The following RSPH14 variants were observed in gnomAD, a reference collection of about 807,000 sequenced individuals.
RSPH14 encodes radial spoke head 14 homolog, also known as rhabdoid tumor deletion region gene 1.
A neutral mutation model predicts 26.7 loss-of-function variants in RSPH14; 20 were observed. The observed-to-expected ratio is 0.75, with a 90% CI of 0.53 to 1.09. The LOEUF is 1.09. Ranked by LOEUF, RSPH14 falls within the 50% of genes least tolerant of loss-of-function variation. RSPH14 has a pLI of 0.00. For missense variants in RSPH14, 449 were observed against 457.2 expected (o/e 0.98, Z 0.16); for synonymous variants, 177 against 189.3 (o/e 0.93, Z 0.53).
intron 4 of RSPH14, among the ~76,000 whole-genome samples, chr22:23,109,721 G>A (rs1276247739): frequency 6.6e-6 from 1 of 152,222 alleles, no homozygotes; most frequent in African/African-American, 2.4e-5. Context: ...GGGGCAGCAG[G>A]GTTCAGTGTT....
At chr22:23,102,046 GGGCCACCCGT>G (rs1300779033) in intron 4 of RSPH14, among the ~76,000 whole-genome samples, 1 of 152,228 alleles carries the variant, frequency 6.6e-6, no homozygotes, top group African/African-American at 2.4e-5. Context: ...ACCTATAGCT[GGGCCACCCGT>G]GGCCTAGAGG....
At chr22:23,080,433 G>C (rs1040232702) in intron 4 of RSPH14, among the ~76,000 whole-genome samples, 2 of 152,224 alleles carry the variant, frequency 1.3e-5, no homozygotes, top group East Asian at 3.9e-4. Flanking sequence ...CCGGGGCATA[G>C]CCTGGGGTTG....
chr22:23,074,747 G>A (rs2068468197), intron 4 of RSPH14, among the ~76,000 whole-genome samples: 1 of 152,202 alleles, frequency 6.6e-6, no homozygotes, highest in African/African-American at 2.4e-5. Flanking sequence ...CAGTCACAGT[G>A]GCGCCTCGGG....
intron 4 of RSPH14, among the ~76,000 whole-genome samples, chr22:23,105,709 A>G (rs1333841773): frequency 6.6e-6 from 1 of 152,226 alleles, no homozygotes; most frequent in Non-Finnish European, 1.5e-5. Flanking sequence ...ACAGCTTCCA[A>G]TCTACAACAC....
intron 4 of RSPH14, chr22:23,131,130 G>T (rs566153469): frequency 6.3e-6 from 1 of 158,410 alleles, no homozygotes; most frequent in East Asian, 1.8e-4. Context: ...CCGGAACAGT[G>T]TGCAGTGATG....
chr22:23,079,308 G>A (rs747459326), intron 4 of RSPH14, among the ~76,000 whole-genome samples: 9 of 152,348 alleles, frequency 5.9e-5, no homozygotes, highest in East Asian at 3.9e-4. Context: ...GGACATCTGA[G>A]CCATTGGATG....
the RSPH14 span, chr22:23,162,630 C>T: frequency 2.2e-6 from 1 of 456,214 alleles, no homozygotes; most frequent in Non-Finnish European, 4.4e-6. Flanking sequence ...TATGCTCATC[C>T]ACAGGGTTTT....
chr22:23,076,325 C>T (rs925317067), intron 4 of RSPH14, among the ~76,000 whole-genome samples: 1 of 152,192 alleles, frequency 6.6e-6, no homozygotes, highest in Admixed American at 6.5e-5. Context: ...CATTGAGAAT[C>T]GCCACCCAGG....
At chr22:23,171,218 G>A in the RSPH14 span, among the ~76,000 whole-genome samples, 2 of 152,074 alleles carry the variant, frequency 1.3e-5, no homozygotes, top group East Asian at 3.9e-4. Flanking sequence ...CACCCACTGT[G>A]GCCTCCCAAA....
At chr22:23,154,137 CTCTGCCCCGG>C in the RSPH14 span, among the ~76,000 whole-genome samples, 2 of 152,148 alleles carry the variant, frequency 1.3e-5, no homozygotes, top group Non-Finnish European at 2.9e-5. Context: ...GGTAGCTTCC[CTCTGCCCCGG>C]CACCTGGAGA....
intron 6 of RSPH14, among the ~76,000 whole-genome samples, chr22:23,061,256 CCA>C (rs1176431343): frequency 1.3e-5 from 2 of 152,090 alleles, no homozygotes; most frequent in African/African-American, 4.8e-5. Flanking sequence ...GTGCCACGCC[CCA>C]GTCTGCCAGG....
At chr22:23,165,750 C>T in the RSPH14 span, among the ~76,000 whole-genome samples, 2 of 152,172 alleles carry the variant, frequency 1.3e-5, no homozygotes, top group Non-Finnish European at 2.9e-5. Context: ...AATGGCCTCC[C>T]TCATATGAGT....
intron 4 of RSPH14, among the ~76,000 whole-genome samples, chr22:23,084,611 CA>C (rs540663100): frequency 6.6e-6 from 1 of 152,232 alleles, no homozygotes; most frequent in Non-Finnish European, 1.5e-5. Context: ...TGGATGTGAA[CA>C]TATCCTTGCT....
At chr22:23,114,798 C>G (rs933227213) in intron 4 of RSPH14, among the ~76,000 whole-genome samples, 11 of 152,226 alleles carry the variant, frequency 7.2e-5, no homozygotes, top group Admixed American at 5.2e-4. Context: ...CACACCGGCT[C>G]CAGCATTCCC....
chr22:23,115,607 C>G (rs114674491), intron 4 of RSPH14, among the ~76,000 whole-genome samples: 3 of 152,128 alleles, frequency 2.0e-5, no homozygotes, highest in Admixed American at 2.0e-4. Flanking sequence ...GCAGGGTGGC[C>G]TCCCACACCT....
chr22:23,180,131 G>A, the RSPH14 span: 3 of 254,760 alleles, frequency 1.2e-5, no homozygotes, highest in African/African-American at 4.5e-5. Context: ...GGAACATGAG[G>A]TAGGTGGTGG....
At chr22:23,079,104 A>G (rs555132797) in intron 4 of RSPH14, among the ~76,000 whole-genome samples, 1 of 152,316 alleles carries the variant, frequency 6.6e-6, no homozygotes, top group South Asian at 2.1e-4. Context: ...TACATCAATG[A>G]ACAAACAGAC....
At chr22:23,080,499 G>A (rs956272927) in intron 4 of RSPH14, among the ~76,000 whole-genome samples, 2 of 152,202 alleles carry the variant, frequency 1.3e-5, no homozygotes, top group Admixed American at 6.5e-5. Flanking sequence ...CCATCTGCTC[G>A]GACTATGGCT....
intron 4 of RSPH14, among the ~76,000 whole-genome samples, chr22:23,130,120 AAAGAAAGAAAGAAAG>A (rs1569192724): frequency 1.7e-5 from 2 of 116,210 alleles, no homozygotes; most frequent in African/African-American, 6.1e-5. Flanking sequence ...AGAAAGAAAG[AAAGAAAGAAAGAAAG>A]AAAGAAAGAA....
Sources: gnomAD v4.1 joint callset for allele counts (sites outside exome capture counted in the v4.1 genomes callset) on GRCh38, gnomAD v4.1.1 for gene constraint, MANE v1.5 for transcripts, NCBI Gene and HGNC (gene_info 2026-07-23, HGNC 2026-07-21) for gene names.